The following SEZ6L variants were observed in gnomAD, a reference collection of about 807,000 sequenced individuals.
SEZ6L encodes seizure related 6 homolog like.
A neutral mutation model predicts 106.2 loss-of-function variants in SEZ6L; 37 were observed. That is an observed-to-expected ratio of 0.35 (90% CI 0.27 to 0.46). SEZ6L has a LOEUF of 0.46. Among genes scored for constraint, SEZ6L ranks in the 20% least tolerant of loss-of-function variants. The pLI, the probability that SEZ6L is intolerant of heterozygous loss-of-function variation, is 1.00. For missense variants in SEZ6L, 1,172 were observed against 1,332.8 expected, an observed-to-expected ratio of 0.88 and a Z score of 1.88; for synonymous variants, 541 against 570.4, an observed-to-expected ratio of 0.95 and a Z score of 0.73.
In SEZ6L at chr22:26,294,395, A is replaced by C. The variant is rs2081230627; in HGVS notation, c.939A>C (p.Thr313=). The C allele has an allele frequency of 6.2e-7, 1 of 1,613,984 alleles. No individual in the cohort carries two copies. Among genetic ancestry groups the C allele is most frequent in the African/African-American group, 1.3e-5 (1 of 74,910 alleles). Residue 313 remains threonine (T), a synonymous_variant, in exon 3 of 17, where the codon ACA becomes ACC. Coordinates refer to ENST00000248933, the MANE Select transcript of SEZ6L (RefSeq NM_021115.5). The part of the protein sequence containing the change: ...NNFLECTYNV[T]VYTGYGVELQ... ...TTCTGGAGTGCACATACAACGTGACAGTCTACACTGGCTATGGGGTGGAGC... is the reference window on the plus strand; with the variant it reads ...TTCTGGAGTGCACATACAACGTGACCGTCTACACTGGCTATGGGGTGGAGC...
chr22:26,374,742 G>A (rs1398449887), intron 14 of SEZ6L, among the ~76,000 whole-genome samples: 1 of 152,222 alleles, frequency 6.6e-6, no homozygotes, highest in African/African-American at 2.4e-5. Flanking sequence ...GAGGAAACCT[G>A]GAGGCCAAGT....
rs542651669 is a variant in SEZ6L at position 26,179,289 on chromosome 22, C to G, written c.94+9526C>G. Reference sequence around the variant, plus strand: ...CCTGTAGTCCCAGCTACTCAAGAGGCTGAGATGGGGGGATCCACTGCAGCC... The same window carrying G: ...CCTGTAGTCCCAGCTACTCAAGAGGGTGAGATGGGGGGATCCACTGCAGCC... On this transcript the variant is annotated intron_variant, in intron 1 of 16. Transcript: ENST00000248933. 1.1e-4 allele frequency among the ~76,000 whole-genome samples: 17 copies of G among 152,256 alleles called. No individual in the cohort carries two copies. In the South Asian group the frequency reaches 3.1e-3, roughly 28 times the overall value.
intron 1 of SEZ6L, among the ~76,000 whole-genome samples, chr22:26,201,984 G>A (rs574328506): frequency 1.1e-4 from 17 of 152,220 alleles, no homozygotes; most frequent in South Asian, 6.2e-4. Context: ...TGCAATCTCC[G>A]CTCACTACAA....
Position 26,325,473 on chromosome 22 carries a change from A to G in SEZ6L, c.2015+11571A>G, listed in dbSNP as rs146225208. Among the ~76,000 whole-genome samples the G allele has an allele frequency of 8.5e-5, 13 of 152,354 alleles. No homozygotes were observed. The East Asian group carries it at 2.3e-3, about 27-fold the overall frequency. On this transcript the variant is annotated intron_variant, in intron 9 of 16. Coordinates refer to ENST00000248933, the MANE Select transcript of SEZ6L (RefSeq NM_021115.5). ...GGAACTTGTGTAAAATCTCACAGCT[A>G]GGAAGAATAAGAGACAAGATTTGCA...
chr22:26,359,707 A>G (rs1251950311), intron 12 of SEZ6L, among the ~76,000 whole-genome samples: 1 of 152,178 alleles, frequency 6.6e-6, no homozygotes, highest in Non-Finnish European at 1.5e-5. Context: ...CGGGAGGCTA[A>G]GGTGGGAGGA....
At chr22:26,216,320 C>G (rs1297112125) in intron 1 of SEZ6L, among the ~76,000 whole-genome samples, 1 of 152,160 alleles carries the variant, frequency 6.6e-6, no homozygotes, top group African/African-American at 2.4e-5. Context: ...GACAGCTGAC[C>G]TGTCCCCAAG....
At position 26,299,029 on chromosome 22, in the gene SEZ6L, A is replaced by T. The variant is rs963227346; in HGVS notation, c.1208A>T (p.Asp403Val). ...CNFPRRPDSG[D>V]VTVMDLHSGG... ...TTTCCCCGCCGGCCTGACTCTGGGG[A>T]TGTCACGGTGATGGACCTGCACTCA... Residue 403 changes from aspartate (D) to valine (V), a missense_variant, in exon 5 of 17, where the codon GAT becomes GTT. Around this residue, in one of 4 missense-constraint regions of SEZ6L, gnomAD observed 534 missense variants for 691.0 expected, o/e 0.77. Transcript: ENST00000248933. 3.1e-6 allele frequency: 5 copies of T among 1,601,804 alleles called. No individual in the cohort carries two copies. Among genetic ancestry groups the T allele is most frequent in the Non-Finnish European group, 2.6e-6 (3 of 1,174,440 alleles).
At chr22:26,323,198 T>C (rs2082206580) in intron 9 of SEZ6L, among the ~76,000 whole-genome samples, 1 of 152,204 alleles carries the variant, frequency 6.6e-6, no homozygotes, top group African/African-American at 2.4e-5. Flanking sequence ...TGCATGTAAG[T>C]GCATCCTGAT....
chr22:26,200,008 G>A (rs1940825776), intron 1 of SEZ6L, among the ~76,000 whole-genome samples: 1 of 152,184 alleles, frequency 6.6e-6, no homozygotes, highest in Admixed American at 6.5e-5. Flanking sequence ...TTATTTTACA[G>A]GTGAGGCACT....
intron 1 of SEZ6L, among the ~76,000 whole-genome samples, chr22:26,249,884 T>C (rs2145791282): frequency 6.6e-6 from 1 of 152,312 alleles, no homozygotes; most frequent in Non-Finnish European, 1.5e-5. Flanking sequence ...AGATAATATC[T>C]CATTGTAGTT....
Position 26,292,931 on chromosome 22 carries a change from C to G in SEZ6L, c.620C>G (p.Ser207Trp), listed in dbSNP as rs200293457. 86 of 1,614,082 alleles carry G rather than the reference C, an allele frequency of 5.3e-5. 2 individuals are homozygous for G. The South Asian group carries it at 8.7e-4, about 16-fold the overall frequency. ...PAPLQISPFT[S>W]QPYVAHTLPQ... The stretch of plus-strand genomic sequence containing the variant: ...CCCCTGCAAATCTCCCCCTTCACTT[C>G]GCAGCCCTATGTGGCCCACACACTC... The change falls in exon 2 of 17, where the codon TCG becomes TGG. Residue 207 changes from serine to tryptophan, a missense_variant. Ser to Trp is a radical substitution (Grantham distance 177, BLOSUM62 -3). Coordinates refer to ENST00000248933, the MANE Select transcript of SEZ6L (RefSeq NM_021115.5).
At position 26,307,373 on chromosome 22, in the gene SEZ6L, A is replaced by T. The variant is rs188222962; in HGVS notation, c.1514+1229A>T. Among the ~76,000 whole-genome samples the T allele has an allele frequency of 3.5e-4, 53 of 152,174 alleles. No individual in the cohort carries two copies. In the East Asian group the frequency reaches 0.01, roughly 29 times the overall value. ...TTTACTGCACTTCCAGAATGCCCCC[A>T]CCTTAGAATTTTGGAGTCCAAGAAA... On this transcript the variant is annotated intron_variant, in intron 6 of 16. Transcript: ENST00000248933.
At chr22:26,262,683 C>T (rs2080053564) in intron 1 of SEZ6L, among the ~76,000 whole-genome samples, 1 of 152,114 alleles carries the variant, frequency 6.6e-6, no homozygotes. Context: ...AGCAGAGAAC[C>T]TGAAATCCAG....
At position 26,310,785 on chromosome 22, in the gene SEZ6L, T is replaced by C. The variant is rs1440151362; in HGVS notation, c.1630T>C (p.Phe544Leu). ...LSEGNTIRIE[F>L]TSDQARAAST... is the part of the protein sequence containing the mutation. Reference sequence around the variant, plus strand: ...CGAAGGCAACACCATCCGCATCGAGTTCACGTCCGACCAGGCCCGGGCGGC... The same window carrying C: ...CGAAGGCAACACCATCCGCATCGAGCTCACGTCCGACCAGGCCCGGGCGGC... Residue 544 changes from phenylalanine (F) to leucine (L), a missense_variant, in exon 7 of 17, where the codon TTC (phenylalanine) becomes CTC (leucine). By Grantham distance (22) the Phe-to-Leu change is conservative. This residue lies in a region of SEZ6L where 534 missense variants were observed against 691.0 expected (regional missense o/e 0.77). Transcript: ENST00000248933. The C allele has an allele frequency of 6.2e-7, 1 of 1,613,708 alleles. No homozygotes were observed. The highest frequency in any genetic ancestry group is 1.3e-5 in the African/African-American group (1 of 74,792).
chr22:26,291,744 CTG>C (rs1569447009), intron 1 of SEZ6L, among the ~76,000 whole-genome samples: 2 of 152,232 alleles, frequency 1.3e-5, no homozygotes, highest in African/African-American at 4.8e-5. Flanking sequence ...ATCTGCCCAA[CTG>C]TACATGGCAT....
intron 1 of SEZ6L, among the ~76,000 whole-genome samples, chr22:26,190,112 AAAG>A (rs1399688643): frequency 2.0e-5 from 3 of 151,496 alleles, no homozygotes; most frequent in Non-Finnish European, 4.4e-5. Context: ...AAAAAAGAAG[AAAG>A]AAAAGAAAAA....
Position 26,207,312 on chromosome 22 carries a change from G to A in SEZ6L, c.94+37549G>A, listed in dbSNP as rs16981521. ...ATGCTGTAAAATGATTGTAAGCTTTGCAGGGAGACCTCATATATTGGCTTT... is the reference window on the plus strand; with the variant it reads ...ATGCTGTAAAATGATTGTAAGCTTTACAGGGAGACCTCATATATTGGCTTT... On this transcript the variant is annotated intron_variant, in intron 1 of 16. Transcript: ENST00000248933. Among the ~76,000 whole-genome samples, 755 of 152,280 alleles carry A rather than the reference G, an allele frequency of 5.0e-3. 5 individuals carry two copies. The highest frequency in any genetic ancestry group is 0.016 in the African/African-American group (656 of 41,560).
intron 1 of SEZ6L, among the ~76,000 whole-genome samples, chr22:26,193,179 G>A (rs998664490): frequency 6.6e-6 from 1 of 152,188 alleles, no homozygotes; most frequent in African/African-American, 2.4e-5. Flanking sequence ...CAACAGCAGG[G>A]AATTGTGAGC....
At chr22:26,297,579 A>G (rs1052862256) in intron 4 of SEZ6L, among the ~76,000 whole-genome samples, 8 of 152,176 alleles carry the variant, frequency 5.3e-5, no homozygotes, top group African/African-American at 1.9e-4. Context: ...CCTGAATTCA[A>G]TATATAGATC....
Sources: allele counts gnomAD v4.1 joint callset (sites outside exome capture counted in the v4.1 genomes callset), GRCh38; gene constraint gnomAD v4.1.1; regional missense constraint gnomAD v4.1.1; transcripts MANE v1.5; gene names NCBI Gene and HGNC (gene_info 2026-07-23, HGNC 2026-07-21).